The following R3HDM2 variants were observed in gnomAD, a reference collection of about 807,000 sequenced individuals.
The protein encoded by R3HDM2 is R3H domain containing 2.
In R3HDM2, 38 loss-of-function variants were observed where a neutral mutation model predicts 124.5. That is an observed-to-expected ratio of 0.31 (90% confidence interval 0.24 to 0.40). The LOEUF is 0.40. Ranked by LOEUF, R3HDM2 falls within the 10% of genes least tolerant of loss-of-function variation. The pLI is 1.00. For synonymous variants in R3HDM2, 391 were observed against 448.0 expected (o/e 0.87, Z 1.61); for missense variants, 869 against 1,236.9 (o/e 0.70, Z 4.46).
chr12:57,322,639 A>AT (rs1171014285), intron 2 of R3HDM2, among the ~76,000 whole-genome samples: 1 of 151,866 alleles, frequency 6.6e-6, no homozygotes, highest in Non-Finnish European at 1.5e-5. Flanking sequence ...TTTTTTAATT[A>AT]TTTTTTTCTT....
intron 14 of R3HDM2, among the ~76,000 whole-genome samples, chr12:57,270,686 A>C (rs1411627737): frequency 6.6e-6 from 1 of 151,860 alleles, no homozygotes; most frequent in African/African-American, 2.4e-5. Context: ...CACCTGCCTC[A>C]GCCTCCCAAA....
intron 2 of R3HDM2, among the ~76,000 whole-genome samples, chr12:57,347,160 C>A (rs1420509657): frequency 6.6e-6 from 1 of 152,000 alleles, no homozygotes; most frequent in Non-Finnish European, 1.5e-5. Context: ...GAGGGAGGAT[C>A]ACTTGAGTCC....
At chr12:57,339,149 A>G (rs2059237739) in intron 2 of R3HDM2, among the ~76,000 whole-genome samples, 1 of 151,838 alleles carries the variant, frequency 6.6e-6, no homozygotes, top group Non-Finnish European at 1.5e-5. Flanking sequence ...GTTCGCCACC[A>G]TACCCGGCTA....
chr12:57,259,049 A>G lies in R3HDM2; in HGVS notation c.2142T>C (p.Pro714=). 6.2e-7 allele frequency: 1 copy of G among 1,611,544 alleles called. No homozygotes were observed. Among genetic ancestry groups the G allele is most frequent in the South Asian group, 1.1e-5 (1 of 90,656 alleles). Residue 714 remains proline, a synonymous_variant, in exon 20 of 24, where the codon CCT becomes CCC. Transcript: ENST00000402412. ...GCATGACCACTACACCTGGTCCAGAAGGTGACACTCCTGAAGGGCAGGAAG... is the reference window on the plus strand; with the variant it reads ...GCATGACCACTACACCTGGTCCAGAGGGTGACACTCCTGAAGGGCAGGAAG... ...QMPQQYSGVS[P]SGPGVVVMQL... is the part of the protein sequence containing the mutation.
intron 3 of R3HDM2, chr12:57,304,685 C>T (rs572712891): frequency 2.1e-5 from 4 of 187,004 alleles, no homozygotes; most frequent in Admixed American, 1.3e-4. Context: ...CTTTTTCAAA[C>T]AGGCAATACA....
At chr12:57,300,973 A>C (rs1469867488) in intron 4 of R3HDM2, among the ~76,000 whole-genome samples, 1 of 152,098 alleles carries the variant, frequency 6.6e-6, no homozygotes, top group African/African-American at 2.4e-5. Context: ...CCATGGTAGC[A>C]CATGACTGTG....
At chr12:57,255,649 A>G (rs887053822) in intron 23 of R3HDM2, among the ~76,000 whole-genome samples, 9 of 152,104 alleles carry the variant, frequency 5.9e-5, no homozygotes, top group Non-Finnish European at 2.9e-5. Context: ...TTTCTCCCCC[A>G]TATTCTCTAC....
At chr12:57,268,018 C>T (rs1054267689) in intron 18 of R3HDM2, among the ~76,000 whole-genome samples, 1 of 152,192 alleles carries the variant, frequency 6.6e-6, no homozygotes, top group Non-Finnish European at 1.5e-5. Context: ...GATGAGCAGT[C>T]TCTATCCTCT....
intron 3 of R3HDM2, chr12:57,304,379 G>A: frequency 2.4e-6 from 1 of 416,652 alleles, no homozygotes. Flanking sequence ...AGGCACTTAG[G>A]AGTTCTGAGA....
At position 57,296,587 on chromosome 12, in the gene R3HDM2, A is replaced by G; in HGVS notation, c.561-36T>C. ...ACCCGGGGAAAAAAAGTGAAATAAG[A>G]CAAACAACTGCAATAACAACCAATT... On this transcript the variant is annotated intron_variant, in intron 8 of 23. Coordinates refer to ENST00000402412, the MANE Select transcript of R3HDM2 (RefSeq NM_001394031.1). The surrounding 1 kb of genome is among the most constrained non-coding windows in gnomAD (Gnocchi z 4.5). 6.5e-7 allele frequency: 1 copy of G among 1,541,882 alleles called. No homozygotes were observed. Among genetic ancestry groups the G allele is most frequent in the Non-Finnish European group, 8.8e-7 (1 of 1,140,870 alleles).
At chr12:57,291,015 A>C (rs1019078648) in intron 11 of R3HDM2, among the ~76,000 whole-genome samples, 1 of 150,170 alleles carries the variant, frequency 6.7e-6, no homozygotes, top group East Asian at 1.9e-4. Context: ...ATTCCATCCA[A>C]CTGGTTTGTA....
intron 14 of R3HDM2, among the ~76,000 whole-genome samples, chr12:57,279,286 G>C (rs1023927598): frequency 3.3e-5 from 5 of 150,074 alleles, no homozygotes; most frequent in Non-Finnish European, 7.4e-5. Flanking sequence ...GGGTTCAAGC[G>C]ATTCTCCTGC....
intron 2 of R3HDM2, among the ~76,000 whole-genome samples, chr12:57,335,010 T>C (rs1045920357): frequency 2.7e-5 from 4 of 149,414 alleles, no homozygotes; most frequent in African/African-American, 9.8e-5. Context: ...GGTGTAGTGG[T>C]ACCTCTGTGT....
At chr12:57,409,549 G>A (rs1398340995) in intron 1 of R3HDM2, among the ~76,000 whole-genome samples, 1 of 150,498 alleles carries the variant, frequency 6.6e-6, no homozygotes, top group Admixed American at 6.6e-5. Flanking sequence ...AAAATTGGCT[G>A]CAATACACAG....
At chr12:57,272,622 T>TGGGGGGGGGAGGGGGGGGGGGGG (rs2043834319) in intron 14 of R3HDM2, 1 of 70,990 alleles carries the variant, frequency 1.4e-5, no homozygotes, top group Non-Finnish European at 2.7e-5. Context: ...GGGGGTGGGG[T>TGGGGGGGGGAGGGGGGGGGGGGG]GGGGGGGGGG....
rs1370569167 is a variant in R3HDM2, at chr12:57,284,072, T to A, written c.939-16A>T. On this transcript the variant is annotated splice_polypyrimidine_tract_variant and intron_variant, in intron 12 of 23. Transcript: ENST00000402412. Reference sequence around the variant, plus strand: ...ACGGTTCCCCCTGCAGAGACCATAGTGGTCAGAGCACCTCCCACCCACCAC... The same window carrying A: ...ACGGTTCCCCCTGCAGAGACCATAGAGGTCAGAGCACCTCCCACCCACCAC... The A allele has an allele frequency of 1.9e-6, 3 of 1,575,660 alleles. No individual in the cohort carries two copies. The highest frequency in any genetic ancestry group is 4.7e-5 in the East Asian group (2 of 42,258).
intron 2 of R3HDM2, among the ~76,000 whole-genome samples, chr12:57,364,952 C>CAAAAA (rs1214204891): frequency 1.1e-4 from 5 of 46,484 alleles, no homozygotes; most frequent in African/African-American, 4.3e-4. Flanking sequence ...GACTCCATCT[C>CAAAAA]AAAAAAAAAA....
intron 2 of R3HDM2, among the ~76,000 whole-genome samples, chr12:57,392,770 C>T (rs1330122508): frequency 1.3e-5 from 2 of 149,062 alleles, no homozygotes; most frequent in African/African-American, 5.0e-5. Flanking sequence ...AATCCCAGCA[C>T]TTTGGGAGCC....
intron 2 of R3HDM2, among the ~76,000 whole-genome samples, chr12:57,385,239 TAA>T (rs1219735501): frequency 3.3e-5 from 5 of 150,192 alleles, no homozygotes; most frequent in Non-Finnish European, 7.4e-5. Flanking sequence ...GATAAAAACT[TAA>T]AGACTTTTTT....
Sources: gnomAD v4.1 joint callset for allele counts (sites outside exome capture counted in the v4.1 genomes callset) on GRCh38, gnomAD v4.1.1 for gene constraint, Gnocchi (gnomAD v3.1) non-coding constraint, MANE v1.5 for transcripts, NCBI Gene and HGNC (gene_info 2026-07-23, HGNC 2026-07-21) for gene names.